KCNK9: variants seen among roughly 807,000 people sequenced by gnomAD.
The protein encoded by KCNK9 is potassium channel subfamily K member 9.
KCNK9 carries 1 observed loss-of-function variant against 10.8 expected under a neutral mutation model. The ratio of observed to expected loss-of-function variants is 0.09; its 90% CI spans 0.03 to 0.44. The LOEUF is 0.44. KCNK9 is among the 20% of genes least tolerant of loss of function. KCNK9 has a pLI of 0.97. For synonymous variants in KCNK9, 231 were observed against 222.7 expected, an observed-to-expected ratio of 1.04 and a Z score of -0.33; for missense variants, 303 against 515.0, an observed-to-expected ratio of 0.59 and a Z score of 3.98.
intron 2 of KCNK9, among the ~76,000 whole-genome samples, chr8:139,607,345 C>T (rs1411164124): frequency 1.3e-5 from 2 of 152,190 alleles, no homozygotes; most frequent in East Asian, 3.9e-4. Flanking sequence ...ACCTTCATGG[C>T]CCCCAGTAAG....
At chr8:139,606,424 A>G (rs1410389666) in intron 2 of KCNK9, among the ~76,000 whole-genome samples, 1 of 152,158 alleles carries the variant, frequency 6.6e-6, no homozygotes, top group East Asian at 1.9e-4. Flanking sequence ...CGGTCAATGC[A>G]CATGCACACA....
At chr8:139,628,127 A>G (rs564673532) in intron 1 of KCNK9, among the ~76,000 whole-genome samples, 1 of 152,348 alleles carries the variant, frequency 6.6e-6, no homozygotes, top group African/African-American at 2.4e-5. Context: ...AAGAGCGAGA[A>G]CAGAAGAGAG....
intron 1 of KCNK9, among the ~76,000 whole-genome samples, chr8:139,700,177 G>A (rs932747076): frequency 6.6e-6 from 1 of 152,206 alleles, no homozygotes; most frequent in African/African-American, 2.4e-5. Flanking sequence ...AGAGAGCGGA[G>A]GCTCGATCAG....
intron 1 of KCNK9, among the ~76,000 whole-genome samples, chr8:139,624,716 CT>C (rs994894368): frequency 9.8e-5 from 15 of 152,310 alleles, no homozygotes; most frequent in Admixed American, 3.9e-4. Flanking sequence ...AGGTCACCTG[CT>C]AAGTGAAGCC....
chr8:139,632,475 G>T (rs1362392910), intron 1 of KCNK9, among the ~76,000 whole-genome samples: 2 of 152,192 alleles, frequency 1.3e-5, no homozygotes, highest in Non-Finnish European at 2.9e-5. Flanking sequence ...GACAGACAGT[G>T]TCTACCCACA....
At chr8:139,701,448 A>G (rs1197515685) in intron 1 of KCNK9, among the ~76,000 whole-genome samples, 1 of 151,400 alleles carries the variant, frequency 6.6e-6, no homozygotes, top group African/African-American at 2.4e-5. Context: ...TTTTTTTTTC[A>G]GTATGCAGAG....
chr8:139,686,360 T>A (rs1320279916), intron 1 of KCNK9, among the ~76,000 whole-genome samples: 2 of 152,202 alleles, frequency 1.3e-5, no homozygotes, highest in South Asian at 4.1e-4. Flanking sequence ...TTGCAATCTA[T>A]CCATCTGACA....
Position 139,619,023 on chromosome 8 carries a change from C to T in KCNK9, c.360G>A (p.Leu120=). The change falls in exon 2 of 2, where the codon CTG becomes CTA. Residue 120 remains leucine (L), a synonymous_variant. Transcript: ENST00000520439. The part of the protein sequence containing the change: ...CMFYAVLGIP[L]TLVMFQSLGE... ...CCAGGCTCTGGAACATGACCAGTGTCAGCGGGATGCCCAGCACGGCGTAGA... is the reference window on the plus strand; with the variant it reads ...CCAGGCTCTGGAACATGACCAGTGTTAGCGGGATGCCCAGCACGGCGTAGA... 6.2e-7 allele frequency: 1 copy of T among 1,614,218 alleles called. No homozygotes were observed. The highest frequency in any genetic ancestry group is 8.5e-7 in the Non-Finnish European group (1 of 1,180,036).
intron 1 of KCNK9, among the ~76,000 whole-genome samples, chr8:139,636,937 G>A (rs1815357297): frequency 6.6e-6 from 1 of 152,180 alleles, no homozygotes; most frequent in Non-Finnish European, 1.5e-5. Flanking sequence ...CTCATTCAGT[G>A]AGAGGGCAGT....
At chr8:139,682,247 T>C (rs1300134977) in intron 1 of KCNK9, among the ~76,000 whole-genome samples, 1 of 152,192 alleles carries the variant, frequency 6.6e-6, no homozygotes, top group Non-Finnish European at 1.5e-5. Context: ...GCTGTCCCAT[T>C]TCCATGCCTA....
At chr8:139,671,769 C>T (rs1008932910) in intron 1 of KCNK9, among the ~76,000 whole-genome samples, 3 of 152,044 alleles carry the variant, frequency 2.0e-5, no homozygotes, top group South Asian at 2.1e-4. Context: ...CCATGTTGGC[C>T]GAGCTGGTCT....
chr8:139,700,193 G>C (rs925423766), intron 1 of KCNK9, among the ~76,000 whole-genome samples: 1 of 152,216 alleles, frequency 6.6e-6, no homozygotes, highest in African/African-American at 2.4e-5. Context: ...ATCAGGCTTC[G>C]TCCAAGAGCG....
chr8:139,635,516 T>C (rs1188785445), intron 1 of KCNK9, among the ~76,000 whole-genome samples: 3 of 152,232 alleles, frequency 2.0e-5, no homozygotes, highest in Admixed American at 6.5e-5. Flanking sequence ...TATTTGACCT[T>C]GGGCAAGTCA....
At chr8:139,691,427 T>G (rs1224377142) in intron 1 of KCNK9, among the ~76,000 whole-genome samples, 2 of 152,162 alleles carry the variant, frequency 1.3e-5, no homozygotes, top group African/African-American at 4.8e-5. Context: ...GAAGTTGCAG[T>G]GAAGCCAGAA....
At chr8:139,622,369 T>C (rs1210880777) in intron 1 of KCNK9, among the ~76,000 whole-genome samples, 1 of 152,128 alleles carries the variant, frequency 6.6e-6, no homozygotes, top group Admixed American at 6.5e-5. Context: ...ATTTAGGCGT[T>C]CCCAGCCACA....
intron 1 of KCNK9, among the ~76,000 whole-genome samples, chr8:139,687,352 ATG>A (rs1563751602): frequency 1.4e-5 from 2 of 147,162 alleles, no homozygotes; most frequent in African/African-American, 5.0e-5. Flanking sequence ...ATATATATAT[ATG>A]TATACATATA....
chr8:139,694,796 G>A (rs1817013213), intron 1 of KCNK9, among the ~76,000 whole-genome samples: 1 of 150,900 alleles, frequency 6.6e-6, no homozygotes, highest in Admixed American at 6.6e-5. Flanking sequence ...TGATAAGGAT[G>A]AGGATGGCTC....
intron 1 of KCNK9, among the ~76,000 whole-genome samples, chr8:139,694,080 A>G (rs1402667084): frequency 2.0e-5 from 3 of 152,102 alleles, no homozygotes; most frequent in African/African-American, 7.2e-5. Flanking sequence ...ATCTCTGAGG[A>G]GCATTTCTCA....
rs1168795499 is a variant in KCNK9 at position 139,661,034 on chromosome 8, C to T, written c.283+41676G>A. Reference sequence around the variant, plus strand: ...CCAACTCAAAATAACTTTCCTGAGGCCCCCTTGAGAAAGTGACAAAGCCAG... The same window carrying T: ...CCAACTCAAAATAACTTTCCTGAGGTCCCCTTGAGAAAGTGACAAAGCCAG... On this transcript the variant is annotated intron_variant, in intron 1 of 1. Coordinates refer to ENST00000520439, the MANE Select transcript of KCNK9 (RefSeq NM_001282534.2). Among the ~76,000 whole-genome samples, 3 of 152,330 alleles carry T rather than the reference C, an allele frequency of 2.0e-5. No homozygotes were observed. In the East Asian group the frequency reaches 5.8e-4, roughly 29 times the overall value.
Sources: allele counts gnomAD v4.1 joint callset (sites outside exome capture counted in the v4.1 genomes callset), GRCh38; gene constraint gnomAD v4.1.1; transcripts MANE v1.5; gene names NCBI Gene and HGNC (gene_info 2026-07-23, HGNC 2026-07-21).